The following ANKRD62 variants were observed in gnomAD, a reference collection of about 807,000 sequenced individuals.
The protein encoded by ANKRD62 is ankyrin repeat domain 62.
In ANKRD62, 61 loss-of-function variants were observed where a neutral mutation model predicts 98.8. The ratio of observed to expected loss-of-function variants is 0.62; its 90% confidence interval spans 0.50 to 0.76. The LOEUF is 0.76. ANKRD62 is among the 30% of genes least tolerant of loss of function. ANKRD62 has a pLI of 0.00. For missense variants in ANKRD62, 933 were observed against 1,082.9 expected, an observed-to-expected ratio of 0.86 and a Z score of 1.94; for synonymous variants, 341 against 367.9, an observed-to-expected ratio of 0.93 and a Z score of 0.84.
In ANKRD62 at chr18:12,097,688, C is replaced by T; in HGVS notation, c.663C>T (p.Tyr221=). The change falls in exon 5 of 14, where the codon TAC becomes TAT. Residue 221 remains tyrosine (Y), a synonymous_variant. Transcript: ENST00000587848. Reference sequence around the variant, plus strand: ...GTAATGGATCAACAAGTGTAGTCTACCAGCTTCTTCAGCACAATATTGATG... The same window carrying T: ...GTAATGGATCAACAAGTGTAGTCTATCAGCTTCTTCAGCACAATATTGATG... ...AARNGSTSVV[Y]QLLQHNIDVF... 2 of 1,536,032 alleles carry T rather than the reference C, an allele frequency of 1.3e-6. No homozygotes were observed. Among genetic ancestry groups the T allele is most frequent in the Non-Finnish European group, 1.7e-6 (2 of 1,146,786 alleles).
chr18:12,102,634 T>A (rs1320234052), intron 6 of ANKRD62: 2 of 747,668 alleles, frequency 2.7e-6, no homozygotes, highest in African/African-American at 3.8e-5. Flanking sequence ...CAGAGAAGAG[T>A]TTACACAGCT....
Position 12,107,369 on chromosome 18 carries a change from C to A in ANKRD62, c.966C>A (p.Asp322Glu). Residue 322 changes from aspartate (D) to glutamate (E), a missense_variant, in exon 8 of 14, where the codon GAC becomes GAA. Asp to Glu is a conservative substitution (Grantham distance 45). Transcript: ENST00000587848. ...GAAACGTACATGCTGATGACAGTGA[C>A]AATTATAATGATGATGTTGATGAAT... ...VSRNVHADDSDNYNDDVDELI... is the reference protein window; with the variant it reads ...VSRNVHADDSENYNDDVDELI... 1 of 1,522,328 alleles carries A rather than the reference C, an allele frequency of 6.6e-7. No homozygotes were observed. The allele number at this position is 1,522,328 out of a possible 1,614,324, so 94.3% of individuals were successfully genotyped here. A position where few individuals can be genotyped will look rare whatever the true frequency, so the allele number is the denominator to read the frequency against.
At position 12,115,077 on chromosome 18, in the gene ANKRD62, T is replaced by G. The variant is rs1428943287; in HGVS notation, c.1065-11T>G. ...ATTTGCCTGATTGGAATTTTTTGGT[T>G]TTTTTTTTAGGCTTGCAAGGAAAAC... is the stretch of plus-strand genomic sequence containing the variant. On this transcript the variant is annotated splice_polypyrimidine_tract_variant and intron_variant, in intron 8 of 13. Coordinates refer to ENST00000587848, the MANE Select transcript of ANKRD62 (RefSeq NM_001277333.2). 2 of 1,394,352 alleles carry G rather than the reference T, an allele frequency of 1.4e-6. No homozygotes were observed. Among genetic ancestry groups the G allele is most frequent in the African/African-American group, 3.0e-5 (2 of 67,438 alleles). 86.4% of individuals were successfully genotyped at this position (1,394,352 alleles called of 1,614,324 possible).
chr18:12,102,203 A>T, intron 6 of ANKRD62: 1 of 823,002 alleles, frequency 1.2e-6, no homozygotes, highest in East Asian at 2.4e-5. Flanking sequence ...AGAGTCCGTC[A>T]CAGAGCCAAG....
the ANKRD62 span, among the ~76,000 whole-genome samples, chr18:12,168,816 A>T: frequency 1.3e-5 from 2 of 152,154 alleles, no homozygotes; most frequent in Non-Finnish European, 2.9e-5. Flanking sequence ...TTCGTTGAGC[A>T]GTTGTTTGTA....
the ANKRD62 span, among the ~76,000 whole-genome samples, chr18:12,164,130 C>A: frequency 6.6e-6 from 1 of 151,798 alleles, no homozygotes; most frequent in African/African-American, 2.4e-5. Context: ...AGCCATTGGG[C>A]CTGGGCTTTT....
intron 6 of ANKRD62, chr18:12,102,293 C>T (rs1909317726): frequency 1.4e-6 from 1 of 736,162 alleles, no homozygotes; most frequent in Non-Finnish European, 2.5e-6. Flanking sequence ...GAGACGCAAC[C>T]TGGGAACCAG....
At chr18:12,141,312 G>A in the ANKRD62 span, among the ~76,000 whole-genome samples, 3 of 152,160 alleles carry the variant, frequency 2.0e-5, no homozygotes, top group Non-Finnish European at 4.4e-5. Context: ...CGGGTGAGGT[G>A]ATGCCTCGCC....
the ANKRD62 span, among the ~76,000 whole-genome samples, chr18:12,181,309 TA>T: frequency 1.3e-5 from 2 of 152,146 alleles, no homozygotes; most frequent in Admixed American, 1.3e-4. Flanking sequence ...TTAGCCACCA[TA>T]AGAGGTTAAT....
rs918986184 is a variant in ANKRD62, at chr18:12,124,241, C to G, written c.1559C>G (p.Thr520Ser). The G allele has an allele frequency of 1.6e-5, 23 of 1,403,374 alleles. No homozygotes were observed. The African/African-American group carries it at 2.7e-4, about 17-fold the overall frequency. The allele number at this position is 1,403,374 out of a possible 1,614,324, so 86.9% of individuals were successfully genotyped here. ...KIMEEQYRTQ[T>S]EVKKQSKLTL... Reference sequence around the variant, plus strand: ...ATGGAAGAGCAATATAGGACACAAACTGAAGTGAAAAAACAATCTAAACTG... The same window carrying G: ...ATGGAAGAGCAATATAGGACACAAAGTGAAGTGAAAAAACAATCTAAACTG... Residue 520 changes from threonine to serine, a missense_variant, in exon 12 of 14, where the codon ACT (threonine) becomes AGT (serine). This residue lies in a region of ANKRD62 where 22 missense variants were observed against 60.5 expected (regional missense o/e 0.36). Coordinates refer to ENST00000587848, the MANE Select transcript of ANKRD62 (RefSeq NM_001277333.2).
chr18:12,097,089 A>G (rs754377403), intron 4 of ANKRD62, among the ~76,000 whole-genome samples: 6 of 152,140 alleles, frequency 3.9e-5, no homozygotes, highest in Non-Finnish European at 7.4e-5. Flanking sequence ...GTTTTCCTTT[A>G]TGAAACAAGA....
chr18:12,159,928 A>G, the ANKRD62 span, among the ~76,000 whole-genome samples: 15 of 151,858 alleles, frequency 9.9e-5, 1 homozygote, highest in South Asian at 3.1e-3. Flanking sequence ...GCTTTCACCC[A>G]CTCTTTAGGT....
At chr18:12,103,137 A>C in intron 6 of ANKRD62, 21 bp from the exon 7 acceptor site, 1 of 1,364,268 alleles carries the variant, frequency 7.3e-7, no homozygotes, top group Non-Finnish European at 9.5e-7. Flanking sequence ...ATTTTAACTA[A>C]ATATATGGAT....
chr18:12,102,226 C>T, intron 6 of ANKRD62: 1 of 790,164 alleles, frequency 1.3e-6, no homozygotes, highest in Non-Finnish European at 2.3e-6. Context: ...TTCAAATAAG[C>T]AGCTGGAAGC....
chr18:12,132,639 G>A (rs185732601), downstream of ANKRD62, among the ~76,000 whole-genome samples: 1 of 152,030 alleles, frequency 6.6e-6, no homozygotes, highest in African/African-American at 2.4e-5. Context: ...TTGACATGTC[G>A]AGGAAATTCT....
downstream of ANKRD62, among the ~76,000 whole-genome samples, chr18:12,131,545 C>T (rs150355204): frequency 0.012 from 1,767 of 152,110 alleles, 16 homozygotes; most frequent in African/African-American, 0.019. Context: ...TACACTTGTT[C>T]CATCTCTATG....
the ANKRD62 span, among the ~76,000 whole-genome samples, chr18:12,140,428 T>A: frequency 6.6e-6 from 1 of 152,222 alleles, no homozygotes; most frequent in African/African-American, 2.4e-5. Context: ...GCACTCTGAT[T>A]TTTAAAGTTT....
chr18:12,158,869 T>TA, the ANKRD62 span, among the ~76,000 whole-genome samples: 1 of 152,280 alleles, frequency 6.6e-6, no homozygotes, highest in Middle Eastern at 3.4e-3. Context: ...TAAAAATATT[T>TA]CAGCTGGGCT....
chr18:12,099,825 C>A, intron 6 of ANKRD62, 143 bp downstream of exon 6: 1 of 412,568 alleles, frequency 2.4e-6, no homozygotes, highest in Non-Finnish European at 4.2e-6. Flanking sequence ...TCTTAGTAAT[C>A]TAGATTTCAG....
Sources: allele counts gnomAD v4.1 joint callset (sites outside exome capture counted in the v4.1 genomes callset), GRCh38; gene constraint gnomAD v4.1.1; regional missense constraint gnomAD v4.1.1; transcripts MANE v1.5; gene names NCBI Gene and HGNC (gene_info 2026-07-23, HGNC 2026-07-21).